Variants in GPR39 observed in about 807,000 individuals in gnomAD.
GPR39 encodes the protein G protein-coupled receptor 39.
Under a neutral mutation model 18.4 loss-of-function variants are expected in GPR39, and 23 were observed. That is an observed-to-expected ratio of 1.25 (90% confidence interval 0.90 to 1.77). The LOEUF (loss-of-function observed/expected upper bound fraction) is 1.77. Among genes scored for constraint, GPR39 ranks in the 40% most tolerant of loss-of-function variants. The probability of loss-of-function intolerance (pLI) is 0.00; values close to 1 mark genes in which losing one functional copy is unlikely to be tolerated. For missense variants in GPR39, 647 were observed against 602.4 expected (o/e 1.07, Z -0.78); for synonymous variants, 280 against 257.9 (o/e 1.09, Z -0.82).
intron 1 of GPR39, among the ~76,000 whole-genome samples, chr2:132,503,261 G>A (rs1026917456): frequency 4.6e-5 from 7 of 152,174 alleles, no homozygotes; most frequent in Non-Finnish European, 1.0e-4. Context: ...CCCAAGGAGT[G>A]CTATTTTGAT....
At chr2:132,462,102 C>T (rs1216966059) in intron 1 of GPR39, among the ~76,000 whole-genome samples, 1 of 152,190 alleles carries the variant, frequency 6.6e-6, no homozygotes, top group Non-Finnish European at 1.5e-5. Flanking sequence ...GACTCCTGGC[C>T]TAGGTTTCTG....
At chr2:132,542,254 C>T (rs1679873932) in intron 1 of GPR39, among the ~76,000 whole-genome samples, 1 of 152,116 alleles carries the variant, frequency 6.6e-6, no homozygotes, top group African/African-American at 2.4e-5. Flanking sequence ...GCTGTCACTA[C>T]CTCTATTACT....
chr2:132,435,653 T>C (rs1343605528), intron 1 of GPR39, among the ~76,000 whole-genome samples: 1 of 152,156 alleles, frequency 6.6e-6, no homozygotes, highest in Non-Finnish European at 1.5e-5. Flanking sequence ...CCTTGTGATA[T>C]TACAGAAAGA....
intron 1 of GPR39, among the ~76,000 whole-genome samples, chr2:132,610,796 A>AAAAAG (rs1553460049): frequency 7.8e-4 from 117 of 149,570 alleles, no homozygotes; most frequent in African/African-American, 2.8e-3. Context: ...AAAAAAAAAA[A>AAAAAG]AAGAAGAAGA....
chr2:132,490,385 C>T (rs770640712), intron 1 of GPR39, among the ~76,000 whole-genome samples: 12 of 151,758 alleles, frequency 7.9e-5, no homozygotes, highest in Non-Finnish European at 1.6e-4. Flanking sequence ...TGCTTGTCCT[C>T]GGAATTCTTT....
intron 1 of GPR39, among the ~76,000 whole-genome samples, chr2:132,570,629 G>A (rs914782883): frequency 4.6e-5 from 7 of 152,138 alleles, no homozygotes; most frequent in Admixed American, 3.9e-4. Flanking sequence ...TGCCACTAAT[G>A]TCCTCTACCC....
At chr2:132,640,050 A>G (rs1314544560) in intron 1 of GPR39, among the ~76,000 whole-genome samples, 1 of 152,158 alleles carries the variant, frequency 6.6e-6, no homozygotes, top group Non-Finnish European at 1.5e-5. Context: ...GCTCATGTGT[A>G]AGACAAGGGA....
chr2:132,633,881 TTGG>T (rs1428747078), intron 1 of GPR39, among the ~76,000 whole-genome samples: 2 of 151,454 alleles, frequency 1.3e-5, no homozygotes, highest in Admixed American at 6.6e-5. Flanking sequence ...GTTGGTATTG[TTGG>T]TGGTATAGGT....
chr2:132,544,087 G>A (rs149676968), intron 1 of GPR39, among the ~76,000 whole-genome samples: 39 of 152,270 alleles, frequency 2.6e-4, no homozygotes, highest in African/African-American at 7.9e-4. Flanking sequence ...AAGTGATAGT[G>A]GTCAGCACTT....
intron 1 of GPR39, among the ~76,000 whole-genome samples, chr2:132,619,859 A>G (rs1207350093): frequency 2.2e-5 from 2 of 91,852 alleles, no homozygotes; most frequent in Admixed American, 2.0e-4. Flanking sequence ...ACACACACAG[A>G]CACACACACA....
intron 1 of GPR39, chr2:132,488,825 G>T: frequency 5.7e-6 from 1 of 175,530 alleles, no homozygotes; most frequent in Non-Finnish European, 1.3e-5. Context: ...TTTACCTTGT[G>T]CCCCTGCGCC....
At chr2:132,578,493 A>T (rs1573678096) in intron 1 of GPR39, among the ~76,000 whole-genome samples, 1 of 152,196 alleles carries the variant, frequency 6.6e-6, no homozygotes. Flanking sequence ...AACCATCTGG[A>T]CTTGTGGATT....
intron 1 of GPR39, among the ~76,000 whole-genome samples, chr2:132,582,915 C>CTTTTTTTTTTTTTTTTTTTTTTTTTTTT (rs5834320): frequency 2.0e-5 from 2 of 101,642 alleles, no homozygotes; most frequent in Non-Finnish European, 3.8e-5. Context: ...TTCTTTCTTT[C>CTTTTTTTTTTTTTTTTTTTTTTTTTTTT]TTTTTTTTTT....
intron 1 of GPR39, among the ~76,000 whole-genome samples, chr2:132,578,232 C>T (rs556616357): frequency 2.6e-5 from 4 of 152,130 alleles, no homozygotes; most frequent in East Asian, 1.9e-4. Flanking sequence ...CCTTGAAAAA[C>T]GCTTACTGCT....
chr2:132,645,524 G>C lies in GPR39; in HGVS notation c.1280G>C (p.Ser427Thr). The change falls in exon 2 of 2, where the codon AGT becomes ACT. Residue 427 changes from serine to threonine, a missense_variant. Ser to Thr is a moderately conservative substitution (Grantham distance 58). Coordinates refer to ENST00000329321, the MANE Select transcript of GPR39 (RefSeq NM_001508.3). ...CCCCAGTCTAAGTCCCAGTCATTGA[G>C]TCTCGAGTCACTAGAGCCCAACTCA... ...AEPQSKSQSL[S>T]LESLEPNSGA... is the part of the protein sequence containing the mutation. 6.2e-7 allele frequency: 1 copy of C among 1,614,180 alleles called. No homozygotes were observed. Among genetic ancestry groups the C allele is most frequent in the Non-Finnish European group, 8.5e-7 (1 of 1,180,028 alleles).
intron 1 of GPR39, among the ~76,000 whole-genome samples, chr2:132,574,553 G>A (rs1680498435): frequency 6.6e-6 from 1 of 152,068 alleles, no homozygotes; most frequent in Admixed American, 6.5e-5. Flanking sequence ...TGGCCAACAT[G>A]ACAAAATCCT....
chr2:132,545,121 G>A (rs1460359231), intron 1 of GPR39, among the ~76,000 whole-genome samples: 1 of 152,178 alleles, frequency 6.6e-6, no homozygotes, highest in Admixed American at 6.5e-5. Context: ...TTTCAGTGGG[G>A]ACCCACCCCT....
intron 1 of GPR39, among the ~76,000 whole-genome samples, chr2:132,519,347 T>C (rs1679385296): frequency 6.6e-6 from 1 of 152,214 alleles, no homozygotes; most frequent in African/African-American, 2.4e-5. Flanking sequence ...GACTTCCCAC[T>C]AGTACTGTTG....
chr2:132,548,146 C>T (rs760746902), intron 1 of GPR39, among the ~76,000 whole-genome samples: 4 of 152,158 alleles, frequency 2.6e-5, no homozygotes, highest in Admixed American at 6.6e-5. Context: ...ACTGTTTAAA[C>T]CTTTCAAGGA....
Sources: allele counts gnomAD v4.1 joint callset (sites outside exome capture counted in the v4.1 genomes callset), GRCh38; gene constraint gnomAD v4.1.1; transcripts MANE v1.5; gene names NCBI Gene and HGNC (gene_info 2026-07-23, HGNC 2026-07-21).